ECT2L: variants seen among roughly 807,000 people sequenced by gnomAD.
ECT2L encodes the protein epithelial cell transforming 2 like.
In ECT2L, 126 loss-of-function variants were observed where a neutral mutation model predicts 122.8. The ratio of observed to expected loss-of-function variants is 1.03; its 90% CI spans 0.89 to 1.19. The LOEUF (loss-of-function observed/expected upper bound fraction) is 1.19, where lower values mean the gene tolerates loss of function less well. ECT2L is among the 50% of genes most tolerant of loss of function. The pLI is 0.00. For missense variants in ECT2L, 1,012 were observed against 1,064.1 expected (o/e 0.95, Z 0.68); for synonymous variants, 385 against 381.8 (o/e 1.01, Z -0.10).
Position 138,865,195 on chromosome 6 carries a change from C to T in ECT2L, c.1474+17C>T. On this transcript the variant is annotated intron_variant, in intron 12 of 21. Coordinates refer to ENST00000541398, the MANE Select transcript of ECT2L (RefSeq NM_001077706.3). Reference sequence around the variant, plus strand: ...GGATGATAGGTAAGCAGTCTTGCTACTTCTGTTGCAGGTTAATTATGAAGT... The same window carrying T: ...GGATGATAGGTAAGCAGTCTTGCTATTTCTGTTGCAGGTTAATTATGAAGT... 2 of 1,580,338 alleles carry T rather than the reference C, an allele frequency of 1.3e-6. No homozygotes were observed. Among genetic ancestry groups the T allele is most frequent in the Non-Finnish European group, 1.7e-6 (2 of 1,157,924 alleles).
chr6:138,876,074 G>T (rs1025815737), intron 13 of ECT2L, among the ~76,000 whole-genome samples: 8 of 151,720 alleles, frequency 5.3e-5, no homozygotes, highest in African/African-American at 1.9e-4. Context: ...AGCCGAGATT[G>T]TGCCATTGCA....
At chr6:138,877,300 AG>A (rs1294320217) in intron 14 of ECT2L, among the ~76,000 whole-genome samples, 3 of 152,284 alleles carry the variant, frequency 2.0e-5, no homozygotes, top group Non-Finnish European at 4.4e-5. Flanking sequence ...GTGGAGCCCC[AG>A]GACATGGATG....
At chr6:138,881,816 G>C (rs545195694) in intron 15 of ECT2L, among the ~76,000 whole-genome samples, 1 of 152,236 alleles carries the variant, frequency 6.6e-6, no homozygotes, top group South Asian at 2.1e-4. Flanking sequence ...GGGAGCGGTT[G>C]TAAATATCAG....
chr6:138,874,960 TGCCTGTAGTCCCA>T (rs1778388749), intron 13 of ECT2L, among the ~76,000 whole-genome samples: 1 of 152,144 alleles, frequency 6.6e-6, no homozygotes, highest in South Asian at 2.1e-4. Flanking sequence ...TGGTGGCACA[TGCCTGTAGTCCCA>T]GCTACTTGGG....
intron 1 of ECT2L, among the ~76,000 whole-genome samples, chr6:138,802,666 A>G (rs1201349326): frequency 6.6e-6 from 1 of 152,232 alleles, no homozygotes; most frequent in Non-Finnish European, 1.5e-5. Flanking sequence ...ATTTGGAGGA[A>G]TGTAAAAAGC....
intron 13 of ECT2L, among the ~76,000 whole-genome samples, chr6:138,874,317 G>A (rs1778367008): frequency 6.6e-6 from 1 of 152,166 alleles, no homozygotes; most frequent in African/African-American, 2.4e-5. Flanking sequence ...AATGTGCAAA[G>A]TTTCTGCCAT....
intron 4 of ECT2L, among the ~76,000 whole-genome samples, chr6:138,824,043 C>T (rs1248871290): frequency 4.0e-5 from 6 of 151,022 alleles, no homozygotes; most frequent in African/African-American, 9.8e-5. Flanking sequence ...AAGTGAATAA[C>T]ACTCTGCTGT....
chr6:138,893,238 T>C (rs1779098566), intron 20 of ECT2L, among the ~76,000 whole-genome samples: 1 of 148,826 alleles, frequency 6.7e-6, no homozygotes, highest in African/African-American at 2.5e-5. Flanking sequence ...AGGTTAGAGG[T>C]GGCTGGAGTT....
intron 12 of ECT2L, among the ~76,000 whole-genome samples, chr6:138,866,269 T>TC (rs1778034142): frequency 6.6e-6 from 1 of 151,578 alleles, no homozygotes; most frequent in African/African-American, 2.4e-5. Flanking sequence ...TCCCTCAGCC[T>TC]CCTGAGTAGC....
At chr6:138,842,895 A>G (rs1166109570) in intron 5 of ECT2L, 84 bp from the exon 6 acceptor site, 18 of 1,285,766 alleles carry the variant, frequency 1.4e-5, no homozygotes, top group Non-Finnish European at 1.7e-5. Flanking sequence ...AGTGTAATGA[A>G]AAAGTATCTG....
intron 4 of ECT2L, among the ~76,000 whole-genome samples, chr6:138,819,779 C>T (rs147880500): frequency 0.019 from 2,914 of 151,754 alleles, 91 homozygotes; most frequent in African/African-American, 0.066. Flanking sequence ...CCCAGCTATT[C>T]GGGAGGCTGA....
Position 138,902,569 on chromosome 6 carries a change from A to AT in ECT2L, c.2658dup (p.Lys887Ter). ...ATTTGTGCTACAGAAATAGAGGATG[A>AT]TAAGTTCCTATGGCTGTCAGTACTT... On this transcript the variant is annotated frameshift_variant, in exon 22 of 22. Coordinates refer to ENST00000541398, the MANE Select transcript of ECT2L (RefSeq NM_001077706.3). LOFTEE classifies it high-confidence loss of function. The AT allele has an allele frequency of 6.2e-7, 1 of 1,613,958 alleles. No individual in the cohort carries two copies. Among genetic ancestry groups the AT allele is most frequent in the Non-Finnish European group, 8.5e-7 (1 of 1,179,908 alleles).
chr6:138,861,575 AT>A (rs1012818290), intron 10 of ECT2L, among the ~76,000 whole-genome samples: 4 of 150,680 alleles, frequency 2.7e-5, no homozygotes, highest in African/African-American at 7.3e-5. Flanking sequence ...TTTGATGGGG[AT>A]TTTTTTTTCT....
chr6:138,844,618 C>G (rs1321212023), intron 7 of ECT2L, 38 bp downstream of exon 7: 1 of 1,582,316 alleles, frequency 6.3e-7, no homozygotes, highest in Non-Finnish European at 8.7e-7. Flanking sequence ...TCAACACCAT[C>G]CCAATACCAA....
In ECT2L at chr6:138,814,565, A is replaced by T. The variant is rs751376682; in HGVS notation, c.141A>T (p.Leu47Phe). Residue 47 changes from leucine (L) to phenylalanine (F), a missense_variant, in exon 4 of 22, where the codon TTA becomes TTT. Transcript: ENST00000541398. The stretch of plus-strand genomic sequence containing the variant: ...CTAACAAGCAACGTCAAGAATTCTT[A>T]TTCGCAATTTTTTTAAGATGCACTA... Reference protein sequence around the residue: ...LWTNKQRQEFLFAIFLRCTKS... With the variant: ...LWTNKQRQEFFFAIFLRCTKS... 2 of 1,612,632 alleles carry T rather than the reference A, an allele frequency of 1.2e-6. No individual in the cohort carries two copies. Among genetic ancestry groups the T allele is most frequent in the Non-Finnish European group, 1.7e-6 (2 of 1,178,952 alleles).
intron 20 of ECT2L, among the ~76,000 whole-genome samples, chr6:138,891,082 C>T (rs1779007364): frequency 6.6e-6 from 1 of 152,006 alleles, no homozygotes; most frequent in African/African-American, 2.4e-5. Flanking sequence ...ATTGGATATG[C>T]CTCATTATAC....
At chr6:138,854,435 A>G (rs1401603112) in intron 10 of ECT2L, among the ~76,000 whole-genome samples, 1 of 152,172 alleles carries the variant, frequency 6.6e-6, no homozygotes, top group African/African-American at 2.4e-5. Context: ...TATCCAGGAT[A>G]TAAGGGAAAG....
intron 4 of ECT2L, among the ~76,000 whole-genome samples, chr6:138,819,019 A>G (rs1303844234): frequency 6.6e-6 from 1 of 152,136 alleles, no homozygotes; most frequent in Non-Finnish European, 1.5e-5. Context: ...AGGAGAGGGG[A>G]GTATTCAAAG....
intron 12 of ECT2L, among the ~76,000 whole-genome samples, chr6:138,866,575 CG>C (rs1778047314): frequency 6.6e-6 from 1 of 150,822 alleles, no homozygotes; most frequent in Admixed American, 6.6e-5. Context: ...TTAGTAGAGA[CG>C]GGGTTTCACC....
Sources: allele counts gnomAD v4.1 joint callset (sites outside exome capture counted in the v4.1 genomes callset), GRCh38; gene constraint gnomAD v4.1.1; transcripts MANE v1.5; gene names NCBI Gene and HGNC (gene_info 2026-07-23, HGNC 2026-07-21).